NMRK1: variants seen among roughly 807,000 people sequenced by gnomAD.
NMRK1 encodes NRK 1.
NMRK1 carries 28 observed loss-of-function variants against 29.9 expected under a neutral mutation model. The observed-to-expected ratio is 0.94, with a 90% CI of 0.69 to 1.28. The LOEUF (loss-of-function observed/expected upper bound fraction) is 1.28. Among genes scored for constraint, NMRK1 ranks in the 50% most tolerant of loss-of-function variants. The probability of loss-of-function intolerance (pLI) is 0.00; values close to 1 mark genes in which losing one functional copy is unlikely to be tolerated. For missense variants in NMRK1, 218 were observed against 233.1 expected (o/e 0.94, Z 0.42); for synonymous variants, 58 against 73.0 (o/e 0.79, Z 1.05).
intron 8 of NMRK1, among the ~76,000 whole-genome samples, chr9:75,063,707 A>C (rs960979597): frequency 1.3e-5 from 2 of 152,154 alleles, no homozygotes; most frequent in Non-Finnish European, 1.5e-5. Context: ...GAGAAAAAAA[A>C]CCCTGAAGAT....
chr9:75,083,469 A>C (rs192066632), intron 1 of NMRK1, among the ~76,000 whole-genome samples: 42 of 152,354 alleles, frequency 2.8e-4, no homozygotes, highest in African/African-American at 9.6e-4. Flanking sequence ...TCCTCTCCTT[A>C]GCCAGGTTGC....
At chr9:75,068,699 C>G (rs1823514023) in intron 7 of NMRK1, among the ~76,000 whole-genome samples, 1 of 152,182 alleles carries the variant, frequency 6.6e-6, no homozygotes. Flanking sequence ...GCACCTGTTT[C>G]CATGATAGAA....
intron 7 of NMRK1, among the ~76,000 whole-genome samples, chr9:75,067,625 C>T (rs1174307912): frequency 1.3e-5 from 2 of 152,132 alleles, no homozygotes; most frequent in Non-Finnish European, 2.9e-5. Flanking sequence ...TGGATTGTAT[C>T]TCAAAGATCT....
chr9:75,069,220 C>A, intron 6 of NMRK1, 118 bp from the exon 7 acceptor site: 3 of 630,476 alleles, frequency 4.8e-6, no homozygotes, highest in Non-Finnish European at 5.6e-6. Flanking sequence ...AGGATTAGGA[C>A]TACATGTACT....
intron 8 of NMRK1, among the ~76,000 whole-genome samples, chr9:75,063,875 G>A (rs1036970436): frequency 6.6e-6 from 1 of 152,136 alleles, no homozygotes; most frequent in Non-Finnish European, 1.5e-5. Context: ...AAATAAAACA[G>A]TAACTTATTT....
intron 2 of NMRK1, chr9:75,078,274 C>T: frequency 4.5e-6 from 7 of 1,549,550 alleles, no homozygotes; most frequent in Non-Finnish European, 6.1e-6. Flanking sequence ...GTGATTTTGC[C>T]TCAAGGCACA....
chr9:75,069,126 T>G, intron 6 of NMRK1, 24 bp from the exon 7 acceptor site: 1 of 1,494,108 alleles, frequency 6.7e-7, no homozygotes, highest in Non-Finnish European at 9.3e-7. Context: ...TAGGAAACTT[T>G]ATGTTGACAG....
intron 2 of NMRK1, among the ~76,000 whole-genome samples, chr9:75,080,022 T>C (rs1353816942): frequency 1.3e-5 from 2 of 152,184 alleles, no homozygotes; most frequent in Non-Finnish European, 2.9e-5. Context: ...ATTTATTTTT[T>C]ATGTGCCAGG....
In NMRK1 at chr9:75,084,812, A is replaced by G. The variant is rs554907922; in HGVS notation, c.-35-1662T>C. On this transcript the variant is annotated intron_variant, in intron 1 of 8. Coordinates refer to ENST00000361092, the MANE Select transcript of NMRK1 (RefSeq NM_017881.3). Reference sequence around the variant, plus strand: ...CTTAAAAAATAAAATAAAATAGCAGACAAGTTGCATATTTAAGTTTCATCC... The same window carrying G: ...CTTAAAAAATAAAATAAAATAGCAGGCAAGTTGCATATTTAAGTTTCATCC... Among the ~76,000 whole-genome samples, 4 of 152,282 alleles carry G rather than the reference A, an allele frequency of 2.6e-5. No homozygotes were observed. The South Asian group carries it at 8.3e-4, about 32-fold the overall frequency.
At chr9:75,068,449 AG>A (rs1472864158) in intron 7 of NMRK1, among the ~76,000 whole-genome samples, 1 of 152,186 alleles carries the variant, frequency 6.6e-6, no homozygotes, top group Non-Finnish European at 1.5e-5. Flanking sequence ...GCTTTCTTTC[AG>A]GGGTTTCTCA....
chr9:75,069,664 A>C, intron 6 of NMRK1, 78 bp downstream of exon 6: 1 of 1,141,486 alleles, frequency 8.8e-7, no homozygotes, highest in East Asian at 2.4e-5. Flanking sequence ...CGCATTGCTC[A>C]ATAATGTTGC....
intron 8 of NMRK1, chr9:75,066,334 TTTTG>T (rs1163483281): frequency 2.0e-6 from 1 of 496,988 alleles, no homozygotes; most frequent in Non-Finnish European, 4.0e-6. Context: ...TTTTAAAATC[TTTTG>T]TTTATCTTTG....
intron 4 of NMRK1, 96 bp from the exon 5 acceptor site, chr9:75,070,138 T>A (rs986171881): frequency 2.0e-5 from 16 of 819,688 alleles, no homozygotes; most frequent in Non-Finnish European, 3.0e-5. Context: ...TGTAAATATA[T>A]ACACCACCAT....
chr9:75,074,387 G>T (rs560011076), intron 4 of NMRK1, among the ~76,000 whole-genome samples: 19 of 149,832 alleles, frequency 1.3e-4, no homozygotes, highest in Admixed American at 6.0e-4. Flanking sequence ...ACCATCTTTT[G>T]ATTTATTTAT....
At chr9:75,082,054 C>T (rs947241346) in intron 2 of NMRK1, among the ~76,000 whole-genome samples, 20 of 152,198 alleles carry the variant, frequency 1.3e-4, no homozygotes, top group Non-Finnish European at 5.9e-5. Flanking sequence ...TTACAGATGG[C>T]CTTCATACAT....
chr9:75,061,636 A>G (rs1162690033), intron 8 of NMRK1, 69 bp from the exon 9 acceptor site: 1 of 1,273,698 alleles, frequency 7.9e-7, no homozygotes, highest in African/African-American at 1.5e-5. Flanking sequence ...CTTTACATCA[A>G]CAACAGTAAA....
rs368258898 is a variant in NMRK1, at chr9:75,070,826, C to T, written c.170-784G>A. 5.3e-5 allele frequency among the ~76,000 whole-genome samples: 8 copies of T among 152,070 alleles called. 1 individual carries two copies. Among genetic ancestry groups the T allele is most frequent in the Middle Eastern group, 6.8e-3 (2 of 294 alleles). On this transcript the variant is annotated intron_variant, in intron 4 of 8. Coordinates refer to ENST00000361092, the MANE Select transcript of NMRK1 (RefSeq NM_017881.3). ...TTGTTCTGGTGTTAGTTTTGGTAAGCGATGTCTTTCTAGGAAATTGTCAAT... is the reference window on the plus strand; with the variant it reads ...TTGTTCTGGTGTTAGTTTTGGTAAGTGATGTCTTTCTAGGAAATTGTCAAT...
chr9:75,082,212 C>T (rs570908792), intron 2 of NMRK1, among the ~76,000 whole-genome samples: 1 of 152,098 alleles, frequency 6.6e-6, no homozygotes, highest in Non-Finnish European at 1.5e-5. Context: ...GGAATGACAG[C>T]CTGTATCAGG....
chr9:75,082,244 A>G (rs1403341708), intron 2 of NMRK1, among the ~76,000 whole-genome samples: 1 of 152,196 alleles, frequency 6.6e-6, no homozygotes, highest in African/African-American at 2.4e-5. Context: ...GAGGGTGAGA[A>G]GGAAGAGAAA....
Sources: allele counts gnomAD v4.1 joint callset (sites outside exome capture counted in the v4.1 genomes callset), GRCh38; gene constraint gnomAD v4.1.1; transcripts MANE v1.5; gene names NCBI Gene and HGNC (gene_info 2026-07-23, HGNC 2026-07-21).